Variants in AAK1 observed in about 807,000 individuals in gnomAD.
AAK1 encodes the protein AP2-associated protein kinase 1.
A neutral mutation model predicts 116.0 loss-of-function variants in AAK1; 37 were observed. That is an observed-to-expected ratio of 0.32 (90% CI 0.25 to 0.42). The LOEUF is 0.42. AAK1 is among the 10% of genes least tolerant of loss of function. The pLI, the probability that AAK1 is intolerant of heterozygous loss-of-function variation, is 1.00. For missense variants in AAK1, 919 were observed against 1,170.6 expected (o/e 0.79, Z 3.14); for synonymous variants, 458 against 439.9 (o/e 1.04, Z -0.51).
chr2:69,533,847 C>T (rs1405982731), intron 5 of AAK1, among the ~76,000 whole-genome samples: 1 of 152,168 alleles, frequency 6.6e-6, no homozygotes, highest in Non-Finnish European at 1.5e-5. Context: ...AATTCTTAAG[C>T]ATAGGGTTAT....
In AAK1 at chr2:69,519,010, C is replaced by G. The variant is rs76509206; in HGVS notation, c.1441G>C (p.Ala481Pro). 0.01 allele frequency: 16,043 copies of G among 1,549,936 alleles called. 737 individuals carry two copies. In the African/African-American group the frequency reaches 0.13, roughly 13 times the overall value. ...QQQQQQQPPPAQQQPAGTFYQ... is the reference protein window; with the variant it reads ...QQQQQQQPPPPQQQPAGTFYQ... ...AACGTGCCTGCCGGCTGCTGCTGTG[C>G]TGGCGGTGGCTGTTGCTGCTGCTGT... The change falls in exon 12 of 22, where the codon GCA becomes CCA. Residue 481 changes from alanine to proline, a missense_variant. Around this residue, in one of 4 missense-constraint regions of AAK1, gnomAD observed 214 missense variants for 210.6 expected, o/e 1.02. Coordinates refer to ENST00000409085, the MANE Select transcript of AAK1 (RefSeq NM_014911.5).
chr2:69,567,615 C>A (rs1367549109), intron 2 of AAK1, among the ~76,000 whole-genome samples: 1 of 152,132 alleles, frequency 6.6e-6, no homozygotes, highest in Non-Finnish European at 1.5e-5. Flanking sequence ...AAAACCCTTA[C>A]CAGACCTTCA....
Position 69,495,890 on chromosome 2 carries a change from G to C in AAK1, c.2365+95C>G, listed in dbSNP as rs561168858. On this transcript the variant is annotated intron_variant, in intron 17 of 21. Coordinates refer to ENST00000409085, the MANE Select transcript of AAK1 (RefSeq NM_014911.5). Reference sequence around the variant, plus strand: ...GCCTATTATTAGGGCTTGGAATTCAGATCCTTTTCACGGGGTATTTAAGGC... The same window carrying C: ...GCCTATTATTAGGGCTTGGAATTCACATCCTTTTCACGGGGTATTTAAGGC... 6 of 993,446 alleles carry C rather than the reference G, an allele frequency of 6.0e-6. No individual in the cohort carries two copies. In the South Asian group the frequency reaches 1.0e-4, roughly 17 times the overall value. 61.5% of individuals were successfully genotyped at this position (993,446 alleles called of 1,614,324 possible).
At chr2:69,627,504 C>T (rs1416554725) in intron 2 of AAK1, among the ~76,000 whole-genome samples, 1 of 152,022 alleles carries the variant, frequency 6.6e-6, no homozygotes, top group Non-Finnish European at 1.5e-5. Flanking sequence ...CAAGGGAAGA[C>T]AAGAAGGAAG....
intron 5 of AAK1, among the ~76,000 whole-genome samples, chr2:69,533,650 A>C (rs1444155294): frequency 6.6e-6 from 1 of 152,160 alleles, no homozygotes; most frequent in African/African-American, 2.4e-5. Flanking sequence ...TTGGAACTTA[A>C]TCTGTAAAAA....
Position 69,469,716 on chromosome 2 carries a change from A to G in AAK1, c.*6153T>C. On this transcript the variant is annotated 3_prime_UTR_variant, in exon 22 of 22. Transcript: ENST00000409085. Reference sequence around the variant, plus strand: ...GAGCCTAACGTAGGGTTTTGTTATAATTCCCTCAAACTGGATCATGCCTCT... The same window carrying G: ...GAGCCTAACGTAGGGTTTTGTTATAGTTCCCTCAAACTGGATCATGCCTCT... 1.0e-6 allele frequency: 1 copy of G among 985,448 alleles called. No homozygotes were observed. The highest frequency in any genetic ancestry group is 1.2e-6 in the Non-Finnish European group (1 of 829,940). The allele number at this position is 985,448 out of a possible 1,614,324, so 61.0% of individuals were successfully genotyped here.
In AAK1 at chr2:69,489,450, C is replaced by CAAA. The variant is rs70954346; in HGVS notation, c.2365+6532_2365+6534dup. On this transcript the variant is annotated intron_variant, in intron 17 of 21. Coordinates refer to ENST00000409085, the MANE Select transcript of AAK1 (RefSeq NM_014911.5). ...TGGGCGACAGAGCGAGACTCCGTCTCAAAAAAAAAAAAAAAAAGAGGACAG... is the reference window on the plus strand; with the variant it reads ...TGGGCGACAGAGCGAGACTCCGTCTCAAAAAAAAAAAAAAAAAAAAGAGGACAG... Among the ~76,000 whole-genome samples, 198 of 119,208 alleles carry CAAA rather than the reference C, an allele frequency of 1.7e-3. 2 individuals are homozygous for CAAA. The highest frequency in any genetic ancestry group is 4.6e-3 in the East Asian group (20 of 4,352). 78.2% of individuals were successfully genotyped at this position (119,208 alleles called of 152,430 possible).
In AAK1 at chr2:69,568,849, G is replaced by A. The variant is rs778151972; in HGVS notation, c.164-11871C>T. Among the ~76,000 whole-genome samples the A allele has an allele frequency of 2.0e-3, 299 of 152,106 alleles. 5 individuals carry two copies. Among genetic ancestry groups the A allele is most frequent in the Non-Finnish European group, 9.4e-4 (64 of 68,024 alleles). Reference sequence around the variant, plus strand: ...GTTAAAGCCTTTCCTCTGACATTCAGGCTATCTGACCACACAACTGTCATC... The same window carrying A: ...GTTAAAGCCTTTCCTCTGACATTCAAGCTATCTGACCACACAACTGTCATC... On this transcript the variant is annotated intron_variant, in intron 2 of 21. Coordinates refer to ENST00000409085, the MANE Select transcript of AAK1 (RefSeq NM_014911.5).
intron 16 of AAK1, 81 bp downstream of exon 16, chr2:69,505,488 T>C (rs1022513279): frequency 1.9e-6 from 2 of 1,054,174 alleles, no homozygotes; most frequent in African/African-American, 1.6e-5. Flanking sequence ...TTCACTGGCA[T>C]GCTAGAGTTA....
At chr2:69,638,893 T>G (rs892284738) in intron 2 of AAK1, among the ~76,000 whole-genome samples, 3 of 152,154 alleles carry the variant, frequency 2.0e-5, no homozygotes, top group Admixed American at 6.5e-5. Flanking sequence ...CTGTTAAGAG[T>G]CAGGCCTGTG....
intron 16 of AAK1, among the ~76,000 whole-genome samples, chr2:69,505,135 CCACACA>C (rs10585161): frequency 3.6e-5 from 5 of 139,674 alleles, no homozygotes; most frequent in Non-Finnish European, 6.0e-5. Context: ...GCACACACAC[CCACACA>C]CACACACACA....
At position 69,468,526 on chromosome 2, in the gene AAK1, G is replaced by C. The variant is rs1259627575; in HGVS notation, c.*7343C>G. ...ATGTTATTAAGCTTGTTCTGCAGGA[G>C]AGCAAAATATCTCTTAGGGAAAAAA... On this transcript the variant is annotated 3_prime_UTR_variant, in exon 22 of 22. Coordinates refer to ENST00000409085, the MANE Select transcript of AAK1 (RefSeq NM_014911.5). 1.0e-6 allele frequency: 1 copy of C among 985,272 alleles called. No homozygotes were observed. The highest frequency in any genetic ancestry group is 1.2e-6 in the Non-Finnish European group (1 of 829,914). The allele number at this position is 985,272 out of a possible 1,614,324, so 61.0% of individuals were successfully genotyped here. A position where few individuals can be genotyped will look rare whatever the true frequency, so the allele number is the denominator to read the frequency against.
chr2:69,553,002 T>C (rs973314251), intron 3 of AAK1, among the ~76,000 whole-genome samples: 2 of 151,416 alleles, frequency 1.3e-5, no homozygotes, highest in East Asian at 1.9e-4. Context: ...CAAAGAAATA[T>C]AAAAAGAAGG....
chr2:69,546,465 A>T (rs1181433155), intron 3 of AAK1, among the ~76,000 whole-genome samples: 1 of 152,240 alleles, frequency 6.6e-6, no homozygotes, highest in African/African-American at 2.4e-5. Flanking sequence ...TCCTGAAAGT[A>T]GGAAGAACTG....
chr2:69,467,573 T>C lies in AAK1; in HGVS notation c.*8296A>G. ...CATGGGCTCAGTAAAGAGATACTAC[T>C]GGAGTTTCCCAACCCACCAGGATAA... is the stretch of plus-strand genomic sequence containing the variant. On this transcript the variant is annotated 3_prime_UTR_variant, in exon 22 of 22. Transcript: ENST00000409085. 3.0e-6 allele frequency: 3 copies of C among 985,452 alleles called. No homozygotes were observed. The highest frequency in any genetic ancestry group is 3.6e-6 in the Non-Finnish European group (3 of 829,930). 61.0% of individuals were successfully genotyped at this position (985,452 alleles called of 1,614,324 possible). A position where few individuals can be genotyped will look rare whatever the true frequency, so the allele number is the denominator to read the frequency against.
chr2:69,500,700 C>CAT (rs1375656711), intron 16 of AAK1, among the ~76,000 whole-genome samples: 24 of 47,260 alleles, frequency 5.1e-4, no homozygotes, highest in African/African-American at 1.4e-3. Context: ...TATATATATA[C>CAT]ACACACACAC....
At chr2:69,493,983 C>A (rs1675642501) in intron 17 of AAK1, among the ~76,000 whole-genome samples, 1 of 152,180 alleles carries the variant, frequency 6.6e-6, no homozygotes, top group Non-Finnish European at 1.5e-5. Context: ...TTGCAGGTCG[C>A]AGTAAGCAGC....
chr2:69,559,660 A>G (rs1290626465), intron 2 of AAK1, among the ~76,000 whole-genome samples: 1 of 152,238 alleles, frequency 6.6e-6, no homozygotes, highest in Non-Finnish European at 1.5e-5. Flanking sequence ...AGACAAACCA[A>G]GAGAGGCTTA....
chr2:69,630,608 T>C (rs1021789107), intron 2 of AAK1, among the ~76,000 whole-genome samples: 1 of 152,256 alleles, frequency 6.6e-6, no homozygotes, highest in African/African-American at 2.4e-5. Flanking sequence ...ATTTTATAGA[T>C]GAGAAGACTA....
Sources: allele counts gnomAD v4.1 joint callset (sites outside exome capture counted in the v4.1 genomes callset), GRCh38; gene constraint gnomAD v4.1.1; regional missense constraint gnomAD v4.1.1; transcripts MANE v1.5; gene names NCBI Gene and HGNC (gene_info 2026-07-23, HGNC 2026-07-21).